Variants in TBCD observed in about 807,000 individuals in gnomAD.
TBCD encodes tubulin-specific chaperone D.
Under a neutral mutation model 169.3 loss-of-function variants are expected in TBCD, and 105 were observed. The observed-to-expected ratio is 0.62, with a 90% CI of 0.53 to 0.73. The LOEUF (loss-of-function observed/expected upper bound fraction) is 0.73. Among genes scored for constraint, TBCD ranks in the 30% least tolerant of loss-of-function variants. The probability of loss-of-function intolerance (pLI) is 0.00; values close to 1 mark genes in which losing one functional copy is unlikely to be tolerated. For missense variants in TBCD, 1,444 were observed against 1,600.1 expected, an observed-to-expected ratio of 0.90 and a Z score of 1.66; for synonymous variants, 700 against 643.9, an observed-to-expected ratio of 1.09 and a Z score of -1.32.
At chr17:82,921,141 T>C (rs970178845) in intron 24 of TBCD, 9 of 314,720 alleles carry the variant, frequency 2.9e-5, no homozygotes, top group East Asian at 1.3e-4. Flanking sequence ...ATTTGTTGCT[T>C]GTGCAGGATC....
At chr17:82,888,763 T>A (rs1373220398) in intron 15 of TBCD, among the ~76,000 whole-genome samples, 2 of 152,194 alleles carry the variant, frequency 1.3e-5, no homozygotes, top group African/African-American at 4.8e-5. Context: ...TGTGTGCTCC[T>A]CCCAGCAGCC....
rs1180873320 is a variant in TBCD at position 82,941,609 on chromosome 17, A to G, written c.3564+126A>G. On this transcript the variant is annotated intron_variant, in intron 38 of 38. Transcript: ENST00000355528. ...ACGGCCCGTTCCCTCGTCTCATGTC[A>G]GGACCCCTGGGATTACGGGACCAGC... 2.3e-5 allele frequency: 19 copies of G among 831,432 alleles called. No homozygotes were observed. The Admixed American group carries it at 4.5e-4, about 20-fold the overall frequency. The allele number at this position is 831,432 out of a possible 1,614,324, so 51.5% of individuals were successfully genotyped here.
At position 82,905,969 on chromosome 17, in the gene TBCD, C is replaced by T. The variant is rs2060223131; in HGVS notation, c.1838C>T (p.Pro613Leu). ...AGGCTGCTGTCCATGACACTGAGTC[C>T]AGATCTTCACATGAGGCATGGGTCG... Reference protein sequence around the residue: ...FPRLLSMTLSPDLHMRHGSIL... With the variant: ...FPRLLSMTLSLDLHMRHGSIL... Residue 613 changes from proline (P) to leucine (L), a missense_variant, in exon 20 of 39, where the codon CCA becomes CTA. Physicochemically the swap from Pro to Leu is moderately conservative, Grantham distance 98 (BLOSUM62 -3). Transcript: ENST00000355528. 6.2e-7 allele frequency: 1 copy of T among 1,613,104 alleles called. No individual in the cohort carries two copies. Among genetic ancestry groups the T allele is most frequent in the Non-Finnish European group, 8.5e-7 (1 of 1,179,562 alleles).
rs749687858 is a variant in TBCD at position 82,870,287 on chromosome 17, C to A, written c.1382C>A (p.Thr461Asn). Reference sequence around the variant, plus strand: ...AAGCGGGGTGCCTGCAGCGTGGGCACCAACGTCAGGGACGCCGCCTGCTAC... The same window carrying A: ...AAGCGGGGTGCCTGCAGCGTGGGCAACAACGTCAGGGACGCCGCCTGCTAC... ...DEKRGACSVG[T>N]NVRDAACYVC... is the part of the protein sequence containing the mutation. The change falls in exon 14 of 39, where the codon ACC becomes AAC. Residue 461 changes from threonine to asparagine, a missense_variant. Coordinates refer to ENST00000355528, the MANE Select transcript of TBCD (RefSeq NM_005993.5). 6.2e-7 allele frequency: 1 copy of A among 1,613,624 alleles called. No homozygotes were observed. Among genetic ancestry groups the A allele is most frequent in the South Asian group, 1.1e-5 (1 of 91,082 alleles).
intron 7 of TBCD, chr17:82,796,063 G>C (rs1010019366): frequency 1.3e-5 from 2 of 152,288 alleles, no homozygotes; most frequent in African/African-American, 4.8e-5. Flanking sequence ...GCCGGCTGCA[G>C]TGACAGCTTC....
At chr17:82,830,444 C>A (rs972906743) in intron 13 of TBCD, 1 of 1,612,130 alleles carries the variant, frequency 6.2e-7, no homozygotes, top group African/African-American at 1.3e-5. Flanking sequence ...CTGCTGTCCA[C>A]CGCGCATGCG....
chr17:82,891,406 A>G (rs1269946305), intron 16 of TBCD, among the ~76,000 whole-genome samples: 1 of 152,252 alleles, frequency 6.6e-6, no homozygotes, highest in East Asian at 1.9e-4. Context: ...AGTGACCAGC[A>G]TGCGGACGGC....
Position 82,883,808 on chromosome 17 carries a change from C to A in TBCD, c.1476-337C>A, listed in dbSNP as rs377113054. Among the ~76,000 whole-genome samples, 52 of 152,336 alleles carry A rather than the reference C, an allele frequency of 3.4e-4. No homozygotes were observed. The East Asian group carries it at 8.9e-3, about 26-fold the overall frequency. On this transcript the variant is annotated intron_variant, in intron 14 of 38. Transcript: ENST00000355528. ...TGTCTTTTCATTCACTGGACCTCCC[C>A]ACCTCCTGCGCCGCCCCACCACAGC...
intron 4 of TBCD, among the ~76,000 whole-genome samples, chr17:82,767,136 C>T (rs557300703): frequency 2.7e-4 from 41 of 152,346 alleles, no homozygotes; most frequent in African/African-American, 8.7e-4. Flanking sequence ...AGCCCAGGGC[C>T]GGCCTCGTCA....
chr17:82,917,222 G>A (rs996787414), intron 23 of TBCD, among the ~76,000 whole-genome samples: 14 of 151,894 alleles, frequency 9.2e-5, no homozygotes, highest in South Asian at 4.1e-4. Context: ...GTTTCACCAC[G>A]TTGGCCAGGC....
At chr17:82,828,780 C>T (rs543739204) in intron 13 of TBCD, among the ~76,000 whole-genome samples, 4 of 151,618 alleles carry the variant, frequency 2.6e-5, no homozygotes, top group Non-Finnish European at 5.9e-5. Flanking sequence ...CAGATGTGCA[C>T]CCCCACACAG....
intron 21 of TBCD, chr17:82,908,299 G>A (rs758183659): frequency 1.1e-5 from 5 of 456,858 alleles, no homozygotes; most frequent in East Asian, 6.9e-5. Flanking sequence ...GTTTCCAGCC[G>A]TGCATCTGCA....
At chr17:82,768,649 A>T (rs1188253104) in intron 5 of TBCD, 83 bp downstream of exon 5, 1 of 1,485,906 alleles carries the variant, frequency 6.7e-7, no homozygotes, top group African/African-American at 1.4e-5. Flanking sequence ...TTTACTCGGT[A>T]AGCTTCTGAT....
At position 82,944,378 on chromosome 17, in the gene TBCD, G is replaced by GTGAT. The variant is rs897760913; in HGVS notation, c.*1916_*1919dup. On this transcript the variant is annotated 3_prime_UTR_variant, in exon 39 of 39. Transcript: ENST00000355528. Reference sequence around the variant, plus strand: ...GTTTCTGGAGCCCACCAGGGTCCAGGTGATAGAGTTTGGCAAGGAACCCCT... The same window carrying GTGAT: ...GTTTCTGGAGCCCACCAGGGTCCAGGTGATTGATAGAGTTTGGCAAGGAACCCCT... 30 of 152,352 alleles carry GTGAT rather than the reference G, an allele frequency of 2.0e-4. No homozygotes were observed. Among genetic ancestry groups the GTGAT allele is most frequent in the Middle Eastern group, 3.4e-3 (1 of 294 alleles). 9.4% of individuals were successfully genotyped at this position (152,352 alleles called of 1,614,324 possible). A position where few individuals can be genotyped will look rare whatever the true frequency, so the allele number is the denominator to read the frequency against.
At chr17:82,886,657 TCCCCTCCCCTCCCCTCCCCTCCC>T (rs2058727460) in intron 15 of TBCD, among the ~76,000 whole-genome samples, 2 of 2,314 alleles carry the variant, frequency 8.6e-4, no homozygotes, top group Non-Finnish European at 2.5e-3. Context: ...TCCCCTCCCC[TCCCCTCCCCTCCCCTCCCCTCCC>T]CTCCCCTCCC....
In TBCD at chr17:82,903,268, TGTGAGTGA is replaced by T. The variant is rs541601361; in HGVS notation, c.1731-127_1731-120del. ...AGTCGGAGGTTCTTGTACTGGTTCG[TGTGAGTGA>T]GTGAGTGAGCCTCTGCTAAGTGGCC... On this transcript the variant is annotated intron_variant, in intron 18 of 38. Transcript: ENST00000355528. The surrounding 1 kb of genome is among the most constrained non-coding windows in gnomAD (Gnocchi z 4.8). 8 of 746,946 alleles carry T rather than the reference TGTGAGTGA, an allele frequency of 1.1e-5. No homozygotes were observed. Among genetic ancestry groups the T allele is most frequent in the East Asian group, 2.7e-5 (1 of 36,894 alleles). The allele number at this position is 746,946 out of a possible 1,614,324, so 46.3% of individuals were successfully genotyped here.
chr17:82,906,133 G>C (rs1309337188), intron 20 of TBCD, 80 bp downstream of exon 20: 7 of 1,107,102 alleles, frequency 6.3e-6, no homozygotes, highest in Non-Finnish European at 9.3e-6. Context: ...TCTCCAGTTC[G>C]AGACTCTCTC....
At chr17:82,893,391 C>T (rs760399264) in intron 16 of TBCD, among the ~76,000 whole-genome samples, 156 bp from the exon 17 acceptor site, 3 of 152,186 alleles carry the variant, frequency 2.0e-5, no homozygotes, top group Non-Finnish European at 4.4e-5. Context: ...TGGAAGTCCT[C>T]GGCGAGCCAT....
chr17:82,764,473 C>T (rs868576929), intron 3 of TBCD, among the ~76,000 whole-genome samples: 2 of 152,040 alleles, frequency 1.3e-5, no homozygotes, highest in Non-Finnish European at 2.9e-5. Context: ...GGTGAAACCC[C>T]GTCTCTACTA....
Sources: allele counts gnomAD v4.1 joint callset (sites outside exome capture counted in the v4.1 genomes callset), GRCh38; gene constraint gnomAD v4.1.1; non-coding constraint Gnocchi (gnomAD v3.1); transcripts MANE v1.5; gene names NCBI Gene and HGNC (gene_info 2026-07-23, HGNC 2026-07-21).